EFL1: variants seen among roughly 807,000 people sequenced by gnomAD.
EFL1 encodes elongation factor like GTPase 1, also known as elongation factor-like GTPase 1.
EFL1 carries 76 observed loss-of-function variants against 126.7 expected under a neutral mutation model. The observed-to-expected ratio is 0.60, with a 90% CI of 0.50 to 0.73. EFL1 has a LOEUF of 0.73. Ranked by LOEUF, EFL1 falls within the 30% of genes least tolerant of loss-of-function variation. EFL1 has a pLI of 0.00. For synonymous variants in EFL1, 410 were observed against 448.4 expected (o/e 0.91, Z 1.08); for missense variants, 1,128 against 1,343.2 (o/e 0.84, Z 2.50).
At chr15:82,225,065 G>A (rs1448316674) in intron 12 of EFL1, 100 bp downstream of exon 12, 1 of 792,016 alleles carries the variant, frequency 1.3e-6, no homozygotes, top group East Asian at 2.8e-5. Flanking sequence ...GGGTTGAGGA[G>A]GAAAAGCATT....
intron 4 of EFL1, among the ~76,000 whole-genome samples, chr15:82,242,146 T>C (rs951061974): frequency 2.0e-5 from 3 of 152,182 alleles, no homozygotes; most frequent in African/African-American, 7.2e-5. Context: ...CATAACTTAG[T>C]ATACCATGCA....
intron 19 of EFL1, among the ~76,000 whole-genome samples, chr15:82,134,963 G>A (rs556760690): frequency 2.2e-4 from 33 of 152,286 alleles, no homozygotes; most frequent in Admixed American, 2.0e-3. Context: ...ATGAAAAGAA[G>A]TGCCTTGGAG....
chr15:82,259,340 C>T (rs897696332), intron 2 of EFL1, among the ~76,000 whole-genome samples, 185 bp from the exon 3 acceptor site: 4 of 152,218 alleles, frequency 2.6e-5, no homozygotes, highest in African/African-American at 9.7e-5. Context: ...GACACAGAGG[C>T]TAGCACTCTA....
Position 82,177,442 on chromosome 15 carries a change from G to A in EFL1, c.1751-13458C>T, listed in dbSNP as rs149353468. Among the ~76,000 whole-genome samples, 8 of 152,100 alleles carry A rather than the reference G, an allele frequency of 5.3e-5. No homozygotes were observed. In the East Asian group the frequency reaches 1.2e-3, roughly 22 times the overall value. Reference sequence around the variant, plus strand: ...ACTAATAAAATGTGGCTTTCATTGCGAAGTCTTTACACTGATTCTCCTGGC... The same window carrying A: ...ACTAATAAAATGTGGCTTTCATTGCAAAGTCTTTACACTGATTCTCCTGGC... On this transcript the variant is annotated intron_variant, in intron 15 of 19. Transcript: ENST00000268206.
intron 15 of EFL1, among the ~76,000 whole-genome samples, chr15:82,182,639 CG>C (rs1393374474): frequency 2.6e-5 from 4 of 151,834 alleles, no homozygotes; most frequent in African/African-American, 9.7e-5. Context: ...CTGGCTAACA[CG>C]GTGAAACCCC....
intron 19 of EFL1, among the ~76,000 whole-genome samples, chr15:82,137,461 A>C (rs2073733884): frequency 6.6e-6 from 1 of 152,028 alleles, no homozygotes; most frequent in Non-Finnish European, 1.5e-5. Context: ...GTAGACTCAG[A>C]GAACGAACCA....
intron 15 of EFL1, among the ~76,000 whole-genome samples, chr15:82,184,604 A>G (rs2074284458): frequency 6.6e-6 from 1 of 152,246 alleles, no homozygotes; most frequent in Non-Finnish European, 1.5e-5. Flanking sequence ...CTAAAAGCAT[A>G]GTCTAAAATG....
rs192083407 is a variant in EFL1 at position 82,197,546 on chromosome 15, T to C, written c.1750+17171A>G. On this transcript the variant is annotated intron_variant, in intron 15 of 19. Coordinates refer to ENST00000268206, the MANE Select transcript of EFL1 (RefSeq NM_024580.6). ...GGGGTTCAGGATATTAGTGATATTT[T>C]ATATTCTGCTTCATTGCTCACTAAA... Among the ~76,000 whole-genome samples, 72 of 152,340 alleles carry C rather than the reference T, an allele frequency of 4.7e-4. 1 individual carries two copies. Among genetic ancestry groups the C allele is most frequent in the Admixed American group, 3.9e-4 (6 of 15,308 alleles).
chr15:82,132,856 C>T (rs1305726058), intron 19 of EFL1, among the ~76,000 whole-genome samples: 1 of 152,042 alleles, frequency 6.6e-6, no homozygotes, highest in Admixed American at 6.5e-5. Context: ...GCACAACAGT[C>T]CCAGAGACTC....
chr15:82,195,635 C>CA (rs2074400692), intron 15 of EFL1, among the ~76,000 whole-genome samples: 1 of 152,214 alleles, frequency 6.6e-6, no homozygotes, highest in Non-Finnish European at 1.5e-5. Context: ...CGCCAACAAA[C>CA]TAATGAGTAA....
intron 15 of EFL1, among the ~76,000 whole-genome samples, chr15:82,197,689 T>C (rs755021126): frequency 7.2e-5 from 11 of 152,132 alleles, no homozygotes; most frequent in Non-Finnish European, 1.3e-4. Flanking sequence ...GTTGAAACAA[T>C]GCCTTTAGTA....
chr15:82,256,604 G>A (rs576052395), intron 3 of EFL1, among the ~76,000 whole-genome samples: 1 of 152,286 alleles, frequency 6.6e-6, no homozygotes, highest in African/African-American at 2.4e-5. Flanking sequence ...TCATCATTAA[G>A]TTCAATCTTC....
intron 15 of EFL1, among the ~76,000 whole-genome samples, chr15:82,191,762 G>A (rs1458034179): frequency 6.6e-6 from 1 of 152,084 alleles, no homozygotes. Context: ...TCACTTTCTT[G>A]GAAGACACTT....
At chr15:82,231,088 A>C in intron 7 of EFL1, 117 bp from the exon 8 acceptor site, 2 of 1,255,166 alleles carry the variant, frequency 1.6e-6, no homozygotes, top group Non-Finnish European at 2.2e-6. Context: ...ATCCTACAAA[A>C]TTTCCTCATT....
intron 18 of EFL1, among the ~76,000 whole-genome samples, chr15:82,147,679 G>A (rs1208102900): frequency 6.9e-6 from 1 of 145,728 alleles, no homozygotes; most frequent in African/African-American, 2.5e-5. Context: ...TAGAGGGACA[G>A]GAAAAAAAAT....
intron 15 of EFL1, among the ~76,000 whole-genome samples, chr15:82,214,265 A>G (rs1448787689): frequency 1.3e-5 from 2 of 152,250 alleles, no homozygotes; most frequent in African/African-American, 2.4e-5. Flanking sequence ...ATTTACAGAT[A>G]TAAACGACGA....
chr15:82,197,031 T>TA lies in EFL1; in HGVS notation c.1750+17685dup, dbSNP rs201704769. On this transcript the variant is annotated intron_variant, in intron 15 of 19. Transcript: ENST00000268206. ...TGGGCGACAGAGCAAAACTCCAACT[T>TA]AAAAAAAAAAAAAAAAAATTGTGGC... 9.1e-3 allele frequency among the ~76,000 whole-genome samples: 1,156 copies of TA among 127,154 alleles called. 5 individuals are homozygous for TA. Among genetic ancestry groups the TA allele is most frequent in the Middle Eastern group, 0.017 (4 of 236 alleles). The allele number at this position is 127,154 out of a possible 152,430, so 83.4% of individuals were successfully genotyped here.
chr15:82,205,525 C>G (rs912924137), intron 15 of EFL1, among the ~76,000 whole-genome samples: 3 of 151,726 alleles, frequency 2.0e-5, no homozygotes, highest in African/African-American at 7.3e-5. Context: ...CAAGTATAAT[C>G]AAACTCCAGT....
chr15:82,133,715 G>A (rs981020006), intron 19 of EFL1, among the ~76,000 whole-genome samples: 1 of 152,104 alleles, frequency 6.6e-6, no homozygotes, highest in African/African-American at 2.4e-5. Flanking sequence ...CTTTTGTCTG[G>A]AGGTAAAATT....
Sources: allele counts gnomAD v4.1 joint callset (sites outside exome capture counted in the v4.1 genomes callset), GRCh38; gene constraint gnomAD v4.1.1; transcripts MANE v1.5; gene names NCBI Gene and HGNC (gene_info 2026-07-23, HGNC 2026-07-21).